The following RASGEF1C variants were observed in gnomAD, a reference collection of about 807,000 sequenced individuals.
RASGEF1C encodes ras-GEF domain-containing family member 1C.
A neutral mutation model predicts 58.1 loss-of-function variants in RASGEF1C; 27 were observed. That is an observed-to-expected ratio of 0.46 (90% CI 0.34 to 0.64). The LOEUF (loss-of-function observed/expected upper bound fraction) is 0.64. RASGEF1C is among the 30% of genes least tolerant of loss of function. The probability of loss-of-function intolerance (pLI) is 0.01; values close to 1 mark genes in which losing one functional copy is unlikely to be tolerated. For missense variants in RASGEF1C, 502 were observed against 605.1 expected (o/e 0.83, Z 1.79); for synonymous variants, 243 against 246.3 (o/e 0.99, Z 0.13).
intron 1 of RASGEF1C, among the ~76,000 whole-genome samples, chr5:180,181,718 G>C (rs1391151289): frequency 6.6e-6 from 1 of 152,218 alleles, no homozygotes; most frequent in African/African-American, 2.4e-5. Context: ...CCAAATGAGA[G>C]AACACATTTC....
At chr5:180,124,028 C>A (rs897422649) in intron 6 of RASGEF1C, among the ~76,000 whole-genome samples, 1 of 151,936 alleles carries the variant, frequency 6.6e-6, no homozygotes, top group South Asian at 2.1e-4. Flanking sequence ...AGTCCTAAAA[C>A]CATTAAATTA....
At chr5:180,128,111 C>T (rs1766294369) in intron 5 of RASGEF1C, among the ~76,000 whole-genome samples, 2 of 152,224 alleles carry the variant, frequency 1.3e-5, no homozygotes, top group African/African-American at 4.8e-5. Context: ...TGTACAGGGC[C>T]TGCCTGGCCA....
intron 1 of RASGEF1C, among the ~76,000 whole-genome samples, chr5:180,208,537 T>G (rs528426314): frequency 1.5e-4 from 23 of 152,164 alleles, no homozygotes; most frequent in Non-Finnish European, 3.1e-4. Flanking sequence ...CCTCTGATAG[T>G]GGCGCTGGTC....
intron 1 of RASGEF1C, among the ~76,000 whole-genome samples, chr5:180,174,574 CTGTGTGTGCGCACGTGTGTG>C (rs1463925614): frequency 6.9e-6 from 1 of 145,920 alleles, no homozygotes; most frequent in African/African-American, 2.6e-5. Context: ...GCACGTGTGT[CTGTGTGTGCGCACGTGTGTG>C]TGTGTGTGCA....
intron 1 of RASGEF1C, among the ~76,000 whole-genome samples, chr5:180,151,327 G>C: frequency 6.6e-6 from 1 of 152,098 alleles, no homozygotes; most frequent in South Asian, 2.1e-4. Flanking sequence ...ATACTACAAG[G>C]CTACAGTAAC....
chr5:180,137,619 G>C lies in RASGEF1C; in HGVS notation c.271C>G (p.Gln91Glu). The part of the protein sequence containing the change: ...ARVCHLCIEQ[Q>E]QLDKPVLDKA... ...TCCAGCACCGGCTTGTCCAGCTGCTGCTGCTCGATGCACAGGTGGCAGACC... is the reference window on the plus strand; with the variant it reads ...TCCAGCACCGGCTTGTCCAGCTGCTCCTGCTCGATGCACAGGTGGCAGACC... The change falls in exon 3 of 14, where the codon CAG becomes GAG. Residue 91 changes from glutamine to glutamate, a missense_variant. Gln to Glu is a conservative substitution (Grantham distance 29). Coordinates refer to ENST00000361132, the MANE Select transcript of RASGEF1C (RefSeq NM_175062.4). This position sits in a 1 kb window ranked among gnomAD's most constrained non-coding sequence, Gnocchi z 4.1. 1 of 1,610,560 alleles carries C rather than the reference G, an allele frequency of 6.2e-7. No homozygotes were observed. The highest frequency in any genetic ancestry group is 8.5e-7 in the Non-Finnish European group (1 of 1,179,296).
Position 180,197,935 on chromosome 5 carries a change from A to G in RASGEF1C, c.-7+11093T>C, listed in dbSNP as rs1183540079. On this transcript the variant is annotated intron_variant, in intron 1 of 13. Transcript: ENST00000361132. This position sits in a 1 kb window ranked among gnomAD's most constrained non-coding sequence, Gnocchi z 4.7. ...TCCCACGCTTAGCGACATCCAATGCACGTAAAGCAGAAATTCCCCAATTAG... is the reference window on the plus strand; with the variant it reads ...TCCCACGCTTAGCGACATCCAATGCGCGTAAAGCAGAAATTCCCCAATTAG... Among the ~76,000 whole-genome samples the G allele has an allele frequency of 1.3e-5, 2 of 152,254 alleles. No homozygotes were observed. The highest frequency in any genetic ancestry group is 1.3e-4 in the Admixed American group (2 of 15,290).
At chr5:180,174,456 GTGCA>G (rs1425748498) in intron 1 of RASGEF1C, among the ~76,000 whole-genome samples, 22,765 of 148,934 alleles carry the variant, frequency 0.15, 1,833 homozygotes, top group African/African-American at 0.22. Flanking sequence ...ATGTGCGTGT[GTGCA>G]TGTCTGTGTG....
chr5:180,174,491 C>CAT (rs1554114714), intron 1 of RASGEF1C, among the ~76,000 whole-genome samples: 2 of 143,776 alleles, frequency 1.4e-5, no homozygotes, highest in African/African-American at 2.7e-5. Context: ...TGTGTGTGCG[C>CAT]GTGTGTGTCT....
chr5:180,206,763 T>A (rs1756496522), intron 1 of RASGEF1C, among the ~76,000 whole-genome samples: 1 of 152,214 alleles, frequency 6.6e-6, no homozygotes, highest in Admixed American at 6.5e-5. Context: ...TAAAAAAGAA[T>A]GAGCCAGGTC....
intron 13 of RASGEF1C, 104 bp from the exon 14 acceptor site, chr5:180,101,629 G>T: frequency 2.8e-6 from 4 of 1,409,538 alleles, no homozygotes; most frequent in Non-Finnish European, 3.9e-6. Context: ...AGGAGAGCCA[G>T]CCTCCTGCCC....
At chr5:180,208,055 C>A (rs930874788) in intron 1 of RASGEF1C, among the ~76,000 whole-genome samples, 3 of 152,178 alleles carry the variant, frequency 2.0e-5, no homozygotes, top group African/African-American at 7.2e-5. Flanking sequence ...ATGAATGTGG[C>A]CAGTGAGTGG....
intron 1 of RASGEF1C, among the ~76,000 whole-genome samples, chr5:180,184,972 A>C (rs1343792330): frequency 6.6e-6 from 1 of 152,238 alleles, no homozygotes; most frequent in East Asian, 1.9e-4. Flanking sequence ...CTGTTTCTCA[A>C]TAATGGATAA....
intron 1 of RASGEF1C, among the ~76,000 whole-genome samples, chr5:180,163,253 C>CTTTTTTTTTTTTTTT (rs1561747791): frequency 2.0e-4 from 1 of 5,060 alleles, no homozygotes; most frequent in Non-Finnish European, 1.0e-3. Context: ...TTTTTTTTTT[C>CTTTTTTTTTTTTTTT]CAGCCTATTG....
intron 10 of RASGEF1C, 61 bp from the exon 11 acceptor site, chr5:180,114,602 G>C: frequency 9.9e-6 from 15 of 1,508,126 alleles, no homozygotes; most frequent in South Asian, 5.8e-5. Flanking sequence ...GCTCCAGGAC[G>C]GGGGGCAGCC....
intron 1 of RASGEF1C, among the ~76,000 whole-genome samples, chr5:180,195,976 T>C (rs775748283): frequency 2.5e-4 from 38 of 152,220 alleles, no homozygotes; most frequent in Non-Finnish European, 5.0e-4. Flanking sequence ...ATTTATGGTG[T>C]ACAATGTGAT....
At position 180,177,998 on chromosome 5, in the gene RASGEF1C, G is replaced by A. The variant is rs1052098705; in HGVS notation, c.-7+31030C>T. Among the ~76,000 whole-genome samples, 1 of 150,638 alleles carries A rather than the reference G, an allele frequency of 6.6e-6. No homozygotes were observed. Among genetic ancestry groups the A allele is most frequent in the South Asian group, 2.1e-4 (1 of 4,784 alleles). On this transcript the variant is annotated intron_variant, in intron 1 of 13. Transcript: ENST00000361132. The surrounding 1 kb of genome is among the most constrained non-coding windows in gnomAD (Gnocchi z 5.0). ...TTTTTTCTTTTTGAGGTGGAGTCTC[G>A]CTCTGTTGCCCAGGCTGGAGTGCAG... is the stretch of plus-strand genomic sequence containing the variant.
chr5:180,142,114 T>C (rs974461977), intron 1 of RASGEF1C, among the ~76,000 whole-genome samples: 5 of 151,456 alleles, frequency 3.3e-5, no homozygotes, highest in African/African-American at 7.4e-5. Flanking sequence ...ATAGATGGGC[T>C]GTCAGCATGA....
intron 1 of RASGEF1C, among the ~76,000 whole-genome samples, chr5:180,142,511 C>T (rs1236192367): frequency 6.6e-6 from 1 of 152,066 alleles, no homozygotes; most frequent in African/African-American, 2.4e-5. Context: ...AAAGAAAGGC[C>T]CTTGCTTCAG....
Sources: gnomAD v4.1 joint callset for allele counts (sites outside exome capture counted in the v4.1 genomes callset) on GRCh38, gnomAD v4.1.1 for gene constraint, Gnocchi (gnomAD v3.1) non-coding constraint, MANE v1.5 for transcripts, NCBI Gene and HGNC (gene_info 2026-07-23, HGNC 2026-07-21) for gene names.